SLFN12L: variants seen among roughly 807,000 people sequenced by gnomAD.
SLFN12L encodes the protein schlafen family member 12 like, also known as schlafen family member 12-like.
SLFN12L carries 34 observed loss-of-function variants against 34.8 expected under a neutral mutation model. That is an observed-to-expected ratio of 0.98 (90% CI 0.74 to 1.30). The LOEUF is 1.30. Ranked by LOEUF, SLFN12L falls within the 50% of genes most tolerant of loss-of-function variation. SLFN12L has a pLI of 0.00. For missense variants in SLFN12L, 703 were observed against 696.2 expected, an observed-to-expected ratio of 1.01 and a Z score of -0.11; for synonymous variants, 259 against 247.5, an observed-to-expected ratio of 1.05 and a Z score of -0.44.
In SLFN12L at chr17:35,465,122, C is replaced by T. The variant is rs1217923149; in HGVS notation, c.*9801G>A. 3.3e-5 allele frequency among the ~76,000 whole-genome samples: 5 copies of T among 152,132 alleles called. No homozygotes were observed. The highest frequency in any genetic ancestry group is 1.9e-4 in the East Asian group (1 of 5,198). On this transcript the variant is annotated 3_prime_UTR_variant, in exon 5 of 5. Transcript: ENST00000628453. Reference sequence around the variant, plus strand: ...CTCGAACTCCTGGCCTCAAGTGATCCGCCTGTCTCGGCCTCCCAAAGTGCT... The same window carrying T: ...CTCGAACTCCTGGCCTCAAGTGATCTGCCTGTCTCGGCCTCCCAAAGTGCT...
chr17:35,520,625 G>A (rs1915968652), intron 2 of SLFN12L, among the ~76,000 whole-genome samples: 1 of 152,038 alleles, frequency 6.6e-6, no homozygotes, highest in Non-Finnish European at 1.5e-5. Context: ...CACGCCTGTA[G>A]TCCCAGCTAC....
At chr17:35,495,108 C>T (rs1915000053) in intron 2 of SLFN12L, among the ~76,000 whole-genome samples, 1 of 152,006 alleles carries the variant, frequency 6.6e-6, no homozygotes, top group African/African-American at 2.4e-5. Flanking sequence ...CTATGTTGCC[C>T]AGGTTGGTCT....
At chr17:35,490,600 A>G in intron 2 of SLFN12L, 1 of 836,830 alleles carries the variant, frequency 1.2e-6, no homozygotes, top group East Asian at 2.4e-5. Flanking sequence ...AGGCCTGTCA[A>G]AAGAAATGAC....
intron 2 of SLFN12L, among the ~76,000 whole-genome samples, chr17:35,510,958 AT>A: frequency 6.6e-6 from 1 of 152,072 alleles, no homozygotes; most frequent in African/African-American, 2.4e-5. Flanking sequence ...AGATTTTCCT[AT>A]TTTTTTAACT....
intron 2 of SLFN12L, chr17:35,514,691 C>A: frequency 2.8e-6 from 1 of 363,030 alleles, no homozygotes. Flanking sequence ...AGCATATTTG[C>A]CCTTCTGCTC....
chr17:35,525,682 G>A (rs1187831626), intron 1 of SLFN12L, among the ~76,000 whole-genome samples: 1 of 152,126 alleles, frequency 6.6e-6, no homozygotes, highest in Admixed American at 6.5e-5. Flanking sequence ...TCACCACCAG[G>A]CCTGCCTTAC....
At position 35,480,408 on chromosome 17, in the gene SLFN12L, C is replaced by A. The variant is rs34652540; in HGVS notation, c.87-213G>T. The A allele has an allele frequency of 1.9e-3, 821 of 425,864 alleles. 9 individuals are homozygous for A. Among genetic ancestry groups the A allele is most frequent in the African/African-American group, 0.015 (723 of 48,944 alleles). 26.4% of individuals were successfully genotyped at this position (425,864 alleles called of 1,614,324 possible). On this transcript the variant is annotated intron_variant, in intron 2 of 4. Coordinates refer to ENST00000628453, the MANE Select transcript of SLFN12L (RefSeq NM_001363830.2). The stretch of plus-strand genomic sequence containing the variant: ...TCAAATTTGTTACAACTGTTTTATA[C>A]GATCTTATTCTAATAATTTTAATCT...
intron 2 of SLFN12L, chr17:35,500,411 C>T (rs566481813): frequency 6.6e-6 from 1 of 152,328 alleles, no homozygotes; most frequent in African/African-American, 2.4e-5. Context: ...AGCCTGGCGC[C>T]ATGCCTCAGG....
At chr17:35,525,831 T>C (rs186847908) in intron 1 of SLFN12L, among the ~76,000 whole-genome samples, 18 of 152,258 alleles carry the variant, frequency 1.2e-4, no homozygotes, top group Admixed American at 4.6e-4. Context: ...AGCATCATAG[T>C]AACAGGATCA....
chr17:35,474,895 C>A lies in SLFN12L; in HGVS notation c.*28G>T. 1 of 1,512,464 alleles carries A rather than the reference C, an allele frequency of 6.6e-7. No individual in the cohort carries two copies. The allele number at this position is 1,512,464 out of a possible 1,614,324, so 93.7% of individuals were successfully genotyped here. A position where few individuals can be genotyped will look rare whatever the true frequency, so the allele number is the denominator to read the frequency against. ...GCAGTGAGTCGAGATCGTGTCACTA[C>A]ACTCCAGTCTGGGTGACAGAGTGAG... On this transcript the variant is annotated 3_prime_UTR_variant, in exon 5 of 5. Coordinates refer to ENST00000628453, the MANE Select transcript of SLFN12L (RefSeq NM_001363830.2).
At position 35,468,329 on chromosome 17, in the gene SLFN12L, A is replaced by C. The variant is rs544694629; in HGVS notation, c.*6594T>G. Among the ~76,000 whole-genome samples the C allele has an allele frequency of 7.2e-5, 11 of 152,304 alleles. No individual in the cohort carries two copies. The South Asian group carries it at 1.5e-3, about 20-fold the overall frequency. On this transcript the variant is annotated 3_prime_UTR_variant, in exon 5 of 5. Transcript: ENST00000628453. ...AAATGCTAAGACCCACATCAACCTG[A>C]GTCTGTATTTACTTAAAAGAAATAC...
intron 2 of SLFN12L, among the ~76,000 whole-genome samples, chr17:35,501,016 C>G (rs1303454778): frequency 6.6e-6 from 1 of 152,200 alleles, no homozygotes; most frequent in Non-Finnish European, 1.5e-5. Context: ...GAATAAAGCC[C>G]TTCCTTCTAC....
Position 35,475,364 on chromosome 17 carries a change from G to T in SLFN12L, c.1398C>A (p.Ile466=), listed in dbSNP as rs369131378. The T allele has an allele frequency of 6.2e-7, 1 of 1,614,218 alleles. No homozygotes were observed. ...GATCCAAAGACCAGCTCCTAGAGAA[G>T]ATCAGTGAGCCCTTATTGACAGAGC... is the stretch of plus-strand genomic sequence containing the variant. ...EMGSVNKGSL[I]FSRSWSLDLG... Residue 466 remains isoleucine (I), a synonymous_variant, in exon 5 of 5, where the codon ATC becomes ATA. Transcript: ENST00000628453.
chr17:35,487,675 T>C (rs1306748533), intron 2 of SLFN12L: 2 of 1,519,746 alleles, frequency 1.3e-6, no homozygotes, highest in South Asian at 2.4e-5. Flanking sequence ...CTGTACCTAT[T>C]TGTATTTTCT....
rs2142169537 is a variant in SLFN12L at position 35,522,594 on chromosome 17, A to G, written c.-230T>C. Reference sequence around the variant, plus strand: ...GGGTGCCTGCAAAACTATAGGACGCAGGGTAATCCATCGGAGACACTGCAG... The same window carrying G: ...GGGTGCCTGCAAAACTATAGGACGCGGGGTAATCCATCGGAGACACTGCAG... On this transcript the variant is annotated 5_prime_UTR_variant, in exon 2 of 5. Transcript: ENST00000628453. 6.2e-7 allele frequency: 1 copy of G among 1,609,506 alleles called. No homozygotes were observed. Among genetic ancestry groups the G allele is most frequent in the African/African-American group, 1.3e-5 (1 of 74,850 alleles).
chr17:35,490,233 T>C, intron 2 of SLFN12L: 1 of 1,566,528 alleles, frequency 6.4e-7, no homozygotes, highest in Non-Finnish European at 8.8e-7. Context: ...AGTCTGGAGC[T>C]AGGAGAAAGC....
chr17:35,530,832 C>T (rs1249682330), intron 1 of SLFN12L, among the ~76,000 whole-genome samples: 1 of 152,130 alleles, frequency 6.6e-6, no homozygotes, highest in Middle Eastern at 3.2e-3. Flanking sequence ...ACTATGCATT[C>T]GTGCATGCCG....
Position 35,479,360 on chromosome 17 carries a change from T to A in SLFN12L, c.922A>T (p.Asn308Tyr). The change falls in exon 3 of 5, where the codon AAT becomes TAT. Residue 308 changes from asparagine (N) to tyrosine (Y), a missense_variant. By Grantham distance (143) the Asn-to-Tyr change is moderately radical. Transcript: ENST00000628453. Reference protein sequence around the residue: ...YLTKLEEVTKNSIGKLPVHHF... With the variant: ...YLTKLEEVTKYSIGKLPVHHF... Reference sequence around the variant, plus strand: ...TGCACAGGCAGTTTCCCAATGGAATTTTTTGTTACTTCTTCTAACTTAGTA... The same window carrying A: ...TGCACAGGCAGTTTCCCAATGGAATATTTTGTTACTTCTTCTAACTTAGTA... 1 of 1,595,338 alleles carries A rather than the reference T, an allele frequency of 6.3e-7. No homozygotes were observed. The highest frequency in any genetic ancestry group is 8.6e-7 in the Non-Finnish European group (1 of 1,169,382).
At chr17:35,488,785 GC>G (rs1426924844) in intron 2 of SLFN12L, among the ~76,000 whole-genome samples, 1 of 152,052 alleles carries the variant, frequency 6.6e-6, no homozygotes, top group East Asian at 1.9e-4. Context: ...AAAGTATATA[GC>G]TGGCCGGGCG....
Sources: allele counts gnomAD v4.1 joint callset (sites outside exome capture counted in the v4.1 genomes callset), GRCh38; gene constraint gnomAD v4.1.1; transcripts MANE v1.5; gene names NCBI Gene and HGNC (gene_info 2026-07-23, HGNC 2026-07-21).